ALG8: variants seen among roughly 807,000 people sequenced by gnomAD.
ALG8 encodes dolichyl pyrophosphate Glc1Man9GlcNAc2 alpha-1,3-glucosyltransferase.
ALG8 carries 48 observed loss-of-function variants against 70.2 expected under a neutral mutation model. That is an observed-to-expected ratio of 0.68 (90% CI 0.54 to 0.87). ALG8 has a LOEUF of 0.87. ALG8 is among the 40% of genes least tolerant of loss of function. The pLI, the probability that ALG8 is intolerant of heterozygous loss-of-function variation, is 0.00. For missense variants in ALG8, 572 were observed against 608.7 expected (o/e 0.94, Z 0.64); for synonymous variants, 234 against 229.0 (o/e 1.02, Z -0.20).
intron 1 of ALG8, among the ~76,000 whole-genome samples, chr11:78,131,989 T>C (rs534149450): frequency 6.6e-6 from 1 of 152,338 alleles, no homozygotes; most frequent in South Asian, 2.1e-4. Flanking sequence ...AAAGATATTT[T>C]TGGATCTCGC....
intron 10 of ALG8, 52 bp downstream of exon 10, chr11:78,106,755 A>G: frequency 6.2e-7 from 1 of 1,610,196 alleles, no homozygotes; most frequent in Non-Finnish European, 8.5e-7. Flanking sequence ...AATAGAAAAT[A>G]GGATCATTGT....
chr11:78,129,352 G>C (rs928063505), intron 1 of ALG8, among the ~76,000 whole-genome samples: 2 of 151,702 alleles, frequency 1.3e-5, no homozygotes, highest in African/African-American at 4.8e-5. Flanking sequence ...CCCAGGAGGC[G>C]GAGCTTGCAG....
At chr11:78,119,348 AT>A in intron 4 of ALG8, 99 bp from the exon 5 acceptor site, 1 of 840,408 alleles carries the variant, frequency 1.2e-6, no homozygotes, top group Non-Finnish European at 2.0e-6. Context: ...TAATAGCAAA[AT>A]TAAAGACAAA....
In ALG8 at chr11:78,112,658, G is replaced by C. The variant is rs775934847; in HGVS notation, c.890C>G (p.Ser297Cys). ...ALYNALDKVL[S>C]VIGLKLKFLD... ...AATGCTCGCTACCATACCGATGACA[G>C]ACAGCACTTTGTCCAAAGCATTGTA... Residue 297 changes from serine to cysteine, a missense_variant, in exon 8 of 13, where the codon TCT becomes TGT. Physicochemically the swap from Ser to Cys is moderately radical, Grantham distance 112. Coordinates refer to ENST00000299626, the MANE Select transcript of ALG8 (RefSeq NM_024079.5). 1.2e-6 allele frequency: 2 copies of C among 1,613,904 alleles called. No individual in the cohort carries two copies. The highest frequency in any genetic ancestry group is 1.1e-5 in the South Asian group (1 of 91,058).
rs542407081 is a variant in ALG8 at position 78,139,595 on chromosome 11, G to A, written c.-7C>T. The A allele has an allele frequency of 1.4e-4, 216 of 1,552,866 alleles. 3 individuals carry two copies. In the East Asian group the frequency reaches 5.1e-3, roughly 37 times the overall value. On this transcript the variant is annotated 5_prime_UTR_variant, in exon 1 of 13. Transcript: ENST00000299626. ...CAATTGTGAGCGCCGCCATTGCTGC[G>A]GCACCGCACGCTTCCCACCAACTTG...
chr11:78,109,769 T>C (rs1860199027), intron 8 of ALG8, among the ~76,000 whole-genome samples, 188 bp from the exon 9 acceptor site: 1 of 152,224 alleles, frequency 6.6e-6, no homozygotes, highest in South Asian at 2.1e-4. Flanking sequence ...GATTATAATA[T>C]ATAAAGCAGC....
intron 10 of ALG8, among the ~76,000 whole-genome samples, chr11:78,106,395 C>CTCT (rs1860031416): frequency 6.6e-6 from 1 of 152,102 alleles, no homozygotes; most frequent in African/African-American, 2.4e-5. Flanking sequence ...GATGGGGTTT[C>CTCT]ACCATGTTAG....
chr11:78,104,312 G>T, intron 11 of ALG8, 44 bp downstream of exon 11: 1 of 1,496,102 alleles, frequency 6.7e-7, no homozygotes, highest in South Asian at 1.3e-5. Context: ...TCGATGAAAA[G>T]GTTGTGATAG....
At chr11:78,133,827 G>A (rs1024828677) in intron 1 of ALG8, among the ~76,000 whole-genome samples, 10 of 151,968 alleles carry the variant, frequency 6.6e-5, no homozygotes, top group Non-Finnish European at 1.2e-4. Context: ...GTGTGAACCC[G>A]GAAGGTGAGC....
rs11237393 is a variant in ALG8 at position 78,110,599 on chromosome 11, T to C, written c.899-1018A>G. On this transcript the variant is annotated intron_variant, in intron 8 of 12. Coordinates refer to ENST00000299626, the MANE Select transcript of ALG8 (RefSeq NM_024079.5). ...GAAGGCAGGAATGATGATGAGTTCA[T>C]TTCTATCCCCAGTACATAGGAGCTC... Among the ~76,000 whole-genome samples the C allele has an allele frequency of 2.9e-3, 437 of 152,308 alleles. 17 individuals carry two copies. The East Asian group carries it at 0.065, about 23-fold the overall frequency.
At chr11:78,120,082 A>G (rs1860755933) in intron 4 of ALG8, among the ~76,000 whole-genome samples, 1 of 152,136 alleles carries the variant, frequency 6.6e-6, no homozygotes, top group African/African-American at 2.4e-5. Flanking sequence ...AGTCTGGGTG[A>G]CAGAGCAAGA....
At chr11:78,133,799 G>C (rs1398023601) in intron 1 of ALG8, among the ~76,000 whole-genome samples, 2 of 152,038 alleles carry the variant, frequency 1.3e-5, no homozygotes, top group Non-Finnish European at 1.5e-5. Flanking sequence ...CTACTCGGTA[G>C]GCTGAGGCAG....
intron 12 of ALG8, among the ~76,000 whole-genome samples, chr11:78,102,384 G>A (rs1021661731): frequency 6.6e-6 from 1 of 152,046 alleles, no homozygotes; most frequent in Non-Finnish European, 1.5e-5. Flanking sequence ...AGCATGTATT[G>A]GAACTTCATT....
chr11:78,132,595 C>T (rs539641975), intron 1 of ALG8, among the ~76,000 whole-genome samples: 1 of 152,238 alleles, frequency 6.6e-6, no homozygotes, highest in Non-Finnish European at 1.5e-5. Flanking sequence ...CTACACTGGC[C>T]TTATCATAGC....
In ALG8 at chr11:78,130,348, C is replaced by CAAAAAA. The variant is rs1174378754; in HGVS notation, c.96-2918_96-2913dup. Among the ~76,000 whole-genome samples the CAAAAAA allele has an allele frequency of 2.8e-4, 14 of 49,156 alleles. 1 individual carries two copies. Among genetic ancestry groups the CAAAAAA allele is most frequent in the Non-Finnish European group, 3.8e-4 (12 of 31,566 alleles). 32.2% of individuals were successfully genotyped at this position (49,156 alleles called of 152,430 possible). A position where few individuals can be genotyped will look rare whatever the true frequency, so the allele number is the denominator to read the frequency against. ...TGGGAGACAGAGCAAGACCCGGTCT[C>CAAAAAA]AAAAAAAAAAAAAAAAAAAGGTGAG... On this transcript the variant is annotated intron_variant, in intron 1 of 12. Transcript: ENST00000299626.
intron 5 of ALG8, among the ~76,000 whole-genome samples, chr11:78,117,529 T>C (rs747984842): frequency 6.6e-6 from 1 of 151,612 alleles, no homozygotes; most frequent in Non-Finnish European, 1.5e-5. Context: ...TCCTAGCACT[T>C]TGGGAGGCCA....
chr11:78,114,052 A>G, intron 6 of ALG8, 63 bp from the exon 7 acceptor site: 1 of 1,465,288 alleles, frequency 6.8e-7, no homozygotes, highest in Non-Finnish European at 9.4e-7. Context: ...CATAACCTAT[A>G]TCATGTGCTA....
intron 10 of ALG8, 67 bp from the exon 11 acceptor site, chr11:78,104,520 G>T: frequency 7.2e-7 from 1 of 1,388,142 alleles, no homozygotes; most frequent in Non-Finnish European, 9.9e-7. Context: ...TAAATAAACT[G>T]CATCTCCTAT....
At chr11:78,122,569 T>C (rs917888338) in intron 3 of ALG8, among the ~76,000 whole-genome samples, 4 of 152,104 alleles carry the variant, frequency 2.6e-5, no homozygotes, top group Non-Finnish European at 5.9e-5. Context: ...CTCAAACTCC[T>C]GAGCTCAAGC....
Sources: allele counts gnomAD v4.1 joint callset (sites outside exome capture counted in the v4.1 genomes callset), GRCh38; gene constraint gnomAD v4.1.1; transcripts MANE v1.5; gene names NCBI Gene and HGNC (gene_info 2026-07-23, HGNC 2026-07-21).